DCLK1: variants seen among roughly 807,000 people sequenced by gnomAD.
DCLK1 encodes the protein serine/threonine-protein kinase DCLK1.
Under a neutral mutation model 86.2 loss-of-function variants are expected in DCLK1, and 16 were observed. The observed-to-expected ratio is 0.19, with a 90% CI of 0.13 to 0.28. DCLK1 has a LOEUF of 0.28. Ranked by LOEUF, DCLK1 falls within the 10% of genes least tolerant of loss-of-function variation. The pLI, the probability that DCLK1 is intolerant of heterozygous loss-of-function variation, is 1.00. For synonymous variants in DCLK1, 369 were observed against 370.5 expected, an observed-to-expected ratio of 1.00 and a Z score of 0.05; for missense variants, 590 against 940.2, an observed-to-expected ratio of 0.63 and a Z score of 4.87.
At position 35,771,912 on chromosome 13, in the gene DCLK1, T is replaced by G. The variant is rs2086339696; in HGVS notation, c.*2623A>C. 1 of 152,224 alleles carries G rather than the reference T, an allele frequency of 6.6e-6. No individual in the cohort carries two copies. Among genetic ancestry groups the G allele is most frequent in the Non-Finnish European group, 1.5e-5 (1 of 68,050 alleles). The allele number at this position is 152,224 out of a possible 1,614,324, so 9.4% of individuals were successfully genotyped here. A position where few individuals can be genotyped will look rare whatever the true frequency, so the allele number is the denominator to read the frequency against. On this transcript the variant is annotated 3_prime_UTR_variant, in exon 17 of 17. Coordinates refer to ENST00000360631, the MANE Select transcript of DCLK1 (RefSeq NM_001330071.2). ...ACTTAATTATTTCAAACTTGAACTA[T>G]CCCAAGAATGTCGAGAAAAAAATTA...
intron 3 of DCLK1, among the ~76,000 whole-genome samples, chr13:36,018,358 A>G (rs1243559563): frequency 6.6e-6 from 1 of 152,236 alleles, no homozygotes; most frequent in African/African-American, 2.4e-5. Flanking sequence ...GATTTATGGC[A>G]TAAAATTCAT....
intron 3 of DCLK1, among the ~76,000 whole-genome samples, chr13:36,023,791 AC>A (rs1465666233): frequency 6.6e-6 from 1 of 152,100 alleles, no homozygotes; most frequent in Non-Finnish European, 1.5e-5. Flanking sequence ...AACAGCATCC[AC>A]AAAAACTCCA....
At chr13:35,814,953 T>C (rs2087235958) in intron 11 of DCLK1, among the ~76,000 whole-genome samples, 1 of 152,226 alleles carries the variant, frequency 6.6e-6, no homozygotes, top group Non-Finnish European at 1.5e-5. Flanking sequence ...GGGTTTATTA[T>C]ATGGCTATAA....
chr13:35,779,828 T>C (rs1043213985), intron 16 of DCLK1, among the ~76,000 whole-genome samples: 51 of 152,300 alleles, frequency 3.3e-4, no homozygotes, highest in African/African-American at 1.0e-3. Context: ...CTCTAAAATA[T>C]ATGCAGTTCA....
chr13:35,812,984 G>C (rs1481824474), intron 11 of DCLK1, among the ~76,000 whole-genome samples: 2 of 152,184 alleles, frequency 1.3e-5, no homozygotes, highest in African/African-American at 2.4e-5. Context: ...ATCGGCCCCA[G>C]CCTAACTGTT....
At chr13:35,795,226 T>C (rs1477737102) in intron 15 of DCLK1, among the ~76,000 whole-genome samples, 1 of 152,094 alleles carries the variant, frequency 6.6e-6, no homozygotes, top group Non-Finnish European at 1.5e-5. Flanking sequence ...TGTGGTGATA[T>C]TTGGTGTGCG....
At chr13:35,953,614 C>T (rs1481649118) in intron 3 of DCLK1, among the ~76,000 whole-genome samples, 2 of 152,170 alleles carry the variant, frequency 1.3e-5, no homozygotes, top group Non-Finnish European at 2.9e-5. Context: ...CAAAACGCTA[C>T]AGACAAATAT....
intron 3 of DCLK1, among the ~76,000 whole-genome samples, chr13:36,062,808 T>C (rs936033254): frequency 7.2e-5 from 11 of 152,264 alleles, no homozygotes; most frequent in African/African-American, 2.2e-4. Context: ...TAAATAAACA[T>C]TGAATATACA....
chr13:36,006,210 T>G (rs971797009), intron 3 of DCLK1, among the ~76,000 whole-genome samples: 2 of 152,158 alleles, frequency 1.3e-5, no homozygotes, highest in Non-Finnish European at 2.9e-5. Context: ...ATAGAAACTT[T>G]TAGGGAAATC....
intron 4 of DCLK1, among the ~76,000 whole-genome samples, chr13:35,900,865 G>A (rs756913152): frequency 1.3e-5 from 2 of 152,154 alleles, no homozygotes; most frequent in Non-Finnish European, 2.9e-5. Flanking sequence ...TCCGTGCATG[G>A]AGTCATAACT....
intron 16 of DCLK1, among the ~76,000 whole-genome samples, chr13:35,787,165 T>TTTTTTACCAA (rs1247881636): frequency 6.6e-6 from 1 of 151,838 alleles, no homozygotes; most frequent in Non-Finnish European, 1.5e-5. Flanking sequence ...CATACATATA[T>TTTTTTACCAA]ATTTTAATTT....
At chr13:35,909,006 G>T (rs550849590) in intron 4 of DCLK1, among the ~76,000 whole-genome samples, 45 of 152,280 alleles carry the variant, frequency 3.0e-4, no homozygotes, top group African/African-American at 1.1e-3. Context: ...TCTCTACAAA[G>T]CAAGAAGAAA....
chr13:36,045,632 A>G (rs541303708), intron 3 of DCLK1, among the ~76,000 whole-genome samples: 21 of 152,006 alleles, frequency 1.4e-4, no homozygotes, highest in African/African-American at 5.1e-4. Flanking sequence ...CTGGCAGATC[A>G]CTTGAGGTCA....
chr13:36,131,592 C>T (rs1439150273), upstream of DCLK1, among the ~76,000 whole-genome samples: 1 of 152,108 alleles, frequency 6.6e-6, no homozygotes, highest in African/African-American at 2.4e-5. Flanking sequence ...TTGACTACAC[C>T]CCTAAACCTC....
chr13:35,851,408 C>A (rs1423003361), intron 6 of DCLK1, among the ~76,000 whole-genome samples: 1 of 152,136 alleles, frequency 6.6e-6, no homozygotes, highest in Non-Finnish European at 1.5e-5. Flanking sequence ...GCTACTAGAT[C>A]TCGGTTGGTA....
intron 4 of DCLK1, among the ~76,000 whole-genome samples, chr13:35,946,150 C>T (rs1286268132): frequency 1.3e-5 from 2 of 152,112 alleles, no homozygotes; most frequent in Non-Finnish European, 2.9e-5. Context: ...ACAGCTAGGA[C>T]TGCAGGCGTG....
At chr13:36,006,118 T>C (rs1167498981) in intron 3 of DCLK1, among the ~76,000 whole-genome samples, 1 of 152,138 alleles carries the variant, frequency 6.6e-6, no homozygotes, top group Non-Finnish European at 1.5e-5. Context: ...ACCACCATAG[T>C]ACACGTATAC....
rs1270919622 is a variant in DCLK1 at position 35,904,333 on chromosome 13, A to G, written c.824-32993T>C. ...TGGGTTCAAGCTATTCTCGTGCCTC[A>G]GCCGGGTGCCACCATGCCCGGCTAA... is the stretch of plus-strand genomic sequence containing the variant. On this transcript the variant is annotated intron_variant, in intron 4 of 16. Transcript: ENST00000360631. Among the ~76,000 whole-genome samples, 6 of 152,274 alleles carry G rather than the reference A, an allele frequency of 3.9e-5. No homozygotes were observed. In the South Asian group the frequency reaches 8.3e-4, roughly 21 times the overall value.
intron 16 of DCLK1, 24 bp from the exon 17 acceptor site, chr13:35,774,723 A>G: frequency 1.9e-6 from 3 of 1,606,428 alleles, no homozygotes; most frequent in Non-Finnish European, 2.6e-6. Flanking sequence ...AAAATGAGAA[A>G]GAGGACAATT....
Sources: gnomAD v4.1 joint callset for allele counts (sites outside exome capture counted in the v4.1 genomes callset) on GRCh38, gnomAD v4.1.1 for gene constraint, MANE v1.5 for transcripts, NCBI Gene and HGNC (gene_info 2026-07-23, HGNC 2026-07-21) for gene names.